NOTCH2: variants seen among roughly 807,000 people sequenced by gnomAD.
NOTCH2 encodes notch receptor 2.
In NOTCH2, 29 loss-of-function variants were observed where a neutral mutation model predicts 235.8. The ratio of observed to expected loss-of-function variants is 0.12; its 90% CI spans 0.09 to 0.17. The LOEUF is 0.17. Ranked by LOEUF, NOTCH2 falls within the 10% of genes least tolerant of loss-of-function variation. The pLI is 1.00. For missense variants in NOTCH2, 2,285 were observed against 3,150.2 expected (o/e 0.73, Z 6.57); for synonymous variants, 1,086 against 1,141.5 (o/e 0.95, Z 0.98).
intron 12 of NOTCH2, among the ~76,000 whole-genome samples, chr1:119,957,883 C>CACACACACACACAA (rs1491347411): frequency 1.4e-5 from 2 of 143,536 alleles, no homozygotes; most frequent in South Asian, 2.2e-4. Context: ...CACACACACA[C>CACACACACACACAA]AACAGGCCCC....
At chr1:119,974,561 C>T (rs1350209815) in intron 5 of NOTCH2, among the ~76,000 whole-genome samples, 1 of 151,126 alleles carries the variant, frequency 6.6e-6, no homozygotes, top group Non-Finnish European at 1.5e-5. Flanking sequence ...ACTTTTGCCT[C>T]GTAAATATAC....
intron 10 of NOTCH2, 77 bp from the exon 11 acceptor site, chr1:119,963,884 C>G: frequency 1.6e-6 from 2 of 1,230,094 alleles, no homozygotes; most frequent in Non-Finnish European, 2.4e-6. Context: ...GTAGCTACAT[C>G]CATTTACTCT....
chr1:119,924,984 T>C (rs1225963238), intron 25 of NOTCH2, among the ~76,000 whole-genome samples: 3 of 152,216 alleles, frequency 2.0e-5, no homozygotes, highest in Non-Finnish European at 4.4e-5. Flanking sequence ...GACCTTTCCA[T>C]CCATCCTGCA....
At chr1:119,987,149 A>T in intron 4 of NOTCH2, 67 bp from the exon 5 acceptor site, 7 of 1,593,340 alleles carry the variant, frequency 4.4e-6, no homozygotes, top group Non-Finnish European at 6.0e-6. Flanking sequence ...CTCTGTTCCC[A>T]CAGAACATGG....
chr1:120,038,568 C>T (rs1654408382), intron 1 of NOTCH2, among the ~76,000 whole-genome samples: 1 of 122,830 alleles, frequency 8.1e-6, no homozygotes, highest in Admixed American at 7.6e-5. Flanking sequence ...TCTTTGTACA[C>T]CTGGGACCTA....
chr1:120,041,041 CAAAAAAAAAA>C (rs71586698), intron 1 of NOTCH2, among the ~76,000 whole-genome samples: 6 of 15,660 alleles, frequency 3.8e-4, no homozygotes, highest in East Asian at 2.0e-3. Flanking sequence ...ACTCTGCCTG[CAAAAAAAAAA>C]AAAAAAAAAA....
At chr1:120,045,996 G>T (rs587626263) in intron 1 of NOTCH2, among the ~76,000 whole-genome samples, 1 of 152,278 alleles carries the variant, frequency 6.6e-6, no homozygotes, top group East Asian at 1.9e-4. Context: ...TGCATACATG[G>T]TTTAATAGCC....
intron 5 of NOTCH2, chr1:119,976,455 T>C (rs1043563979): frequency 7.9e-5 from 12 of 151,242 alleles, no homozygotes; most frequent in East Asian, 1.9e-4. Flanking sequence ...TCTGGGAGTA[T>C]AGATGTGGCT....
intron 6 of NOTCH2, 104 bp downstream of exon 6, chr1:119,969,407 A>C (rs1651275812): frequency 2.1e-6 from 2 of 947,724 alleles, no homozygotes; most frequent in Non-Finnish European, 1.7e-6. Context: ...ATGTTCCCAT[A>C]GATGGTAACT....
chr1:119,919,264 T>C (rs587733531), intron 31 of NOTCH2, 48 bp downstream of exon 31: 3 of 1,520,508 alleles, frequency 2.0e-6, no homozygotes, highest in African/African-American at 1.4e-5. Context: ...TAAAACATTA[T>C]AGAGCCATAG....
At chr1:120,063,658 C>G (rs587634458) in intron 1 of NOTCH2, among the ~76,000 whole-genome samples, 2 of 152,222 alleles carry the variant, frequency 1.3e-5, no homozygotes, top group Non-Finnish European at 2.9e-5. Context: ...AGGATCTAGC[C>G]AAAGCAACCT....
chr1:119,953,580 C>T lies in NOTCH2; in HGVS notation c.2328G>A (p.Val776=), dbSNP rs2101122198. The T allele has an allele frequency of 1.9e-6, 3 of 1,614,194 alleles. No homozygotes were observed. Among genetic ancestry groups the T allele is most frequent in the Non-Finnish European group, 2.5e-6 (3 of 1,180,024 alleles). ...CQNGGTCDNL[V]NGYRCTCKKG... ...TCTTGCAAGTACACCTGTATCCATTCACCAGATTGTCACAAGTTCCTCCAT... is the reference window on the plus strand; with the variant it reads ...TCTTGCAAGTACACCTGTATCCATTTACCAGATTGTCACAAGTTCCTCCAT... The change falls in exon 14 of 34, where the codon GTG becomes GTA. Residue 776 remains valine, a synonymous_variant. Coordinates refer to ENST00000256646, the MANE Select transcript of NOTCH2 (RefSeq NM_024408.4).
At chr1:120,023,147 T>G (rs1227424303) in intron 2 of NOTCH2, among the ~76,000 whole-genome samples, 1 of 152,034 alleles carries the variant, frequency 6.6e-6, no homozygotes. Flanking sequence ...TAAAAAAACC[T>G]ATGTCCTCAG....
chr1:120,058,430 G>A (rs375606447), intron 1 of NOTCH2, among the ~76,000 whole-genome samples: 5,429 of 146,570 alleles, frequency 0.037, 106 homozygotes, highest in Non-Finnish European at 0.047. Flanking sequence ...ACTTGAACCC[G>A]GGAGGTGGAG....
In NOTCH2 at chr1:119,916,674, A is replaced by C; in HGVS notation, c.6048T>G (p.Leu2016=). 6.2e-7 allele frequency: 1 copy of C among 1,614,214 alleles called. No homozygotes were observed. The highest frequency in any genetic ancestry group is 8.5e-7 in the Non-Finnish European group (1 of 1,180,042). The change falls in exon 34 of 34, where the codon CTT becomes CTG. Residue 2016 remains leucine (L), a synonymous_variant. Coordinates refer to ENST00000256646, the MANE Select transcript of NOTCH2 (RefSeq NM_024408.4). ...CTTCATAGCTCCCCTCCCGGGCAGCAAGAAACAGAGGTGTCTCTTCCTACA... is the reference window on the plus strand; with the variant it reads ...CTTCATAGCTCCCCTCCCGGGCAGCCAGAAACAGAGGTGTCTCTTCCTACA... ...QDNKEETPLF[L]AAREGSYEAA... is the part of the protein sequence containing the mutation.
At chr1:119,921,185 G>C (rs1353172188) in intron 29 of NOTCH2, among the ~76,000 whole-genome samples, 1 of 152,210 alleles carries the variant, frequency 6.6e-6, no homozygotes, top group Admixed American at 6.5e-5. Context: ...AGCTGTGGAT[G>C]GATGGTCTGC....
At chr1:119,957,466 C>T (rs1553198470) in intron 12 of NOTCH2, among the ~76,000 whole-genome samples, 1 of 152,086 alleles carries the variant, frequency 6.6e-6, no homozygotes, top group African/African-American at 2.4e-5. Context: ...CCCTTTAAAG[C>T]TGTCAAAGCT....
At position 119,961,373 on chromosome 1, in the gene NOTCH2, C is replaced by G. The variant is rs192286394; in HGVS notation, c.1916-1871G>C. Among the ~76,000 whole-genome samples, 4 of 152,350 alleles carry G rather than the reference C, an allele frequency of 2.6e-5. No individual in the cohort carries two copies. In the East Asian group the frequency reaches 7.7e-4, roughly 29 times the overall value. On this transcript the variant is annotated intron_variant, in intron 11 of 33. Coordinates refer to ENST00000256646, the MANE Select transcript of NOTCH2 (RefSeq NM_024408.4). The stretch of plus-strand genomic sequence containing the variant: ...CAAACTAAGAAGGCAGCACCCCCTC[C>G]CAATGAAGCCCTGATGATCCAATGT...
chr1:119,955,129 C>T lies in NOTCH2; in HGVS notation c.2130G>A (p.Glu710=). The T allele has an allele frequency of 1.9e-6, 3 of 1,614,126 alleles. No homozygotes were observed. Among genetic ancestry groups the T allele is most frequent in the Non-Finnish European group, 2.5e-6 (3 of 1,180,008 alleles). The part of the protein sequence containing the change: ...GVNGFRCICP[E]GPHHPSCYSQ... ...AGTAGCAGCTGGGGTGATGGGGTCC[C>T]TCGGGGCATATACAGCGGAAACCAT... Residue 710 remains glutamate (E), a synonymous_variant, in exon 13 of 34, where the codon GAG becomes GAA. Transcript: ENST00000256646.
Sources: allele counts gnomAD v4.1 joint callset (sites outside exome capture counted in the v4.1 genomes callset), GRCh38; gene constraint gnomAD v4.1.1; transcripts MANE v1.5; gene names NCBI Gene and HGNC (gene_info 2026-07-23, HGNC 2026-07-21).